NSD3: variants seen among roughly 807,000 people sequenced by gnomAD.
NSD3 encodes nuclear receptor binding SET domain protein 3.
Under a neutral mutation model 160.8 loss-of-function variants are expected in NSD3, and 24 were observed. The observed-to-expected ratio is 0.15, with a 90% CI of 0.11 to 0.21. NSD3 has a LOEUF of 0.21. Among genes scored for constraint, NSD3 ranks in the 10% least tolerant of loss-of-function variants. The pLI, the probability that NSD3 is intolerant of heterozygous loss-of-function variation, is 1.00. For missense variants in NSD3, 1,157 were observed against 1,735.9 expected, an observed-to-expected ratio of 0.67 and a Z score of 5.93; for synonymous variants, 520 against 600.0, an observed-to-expected ratio of 0.87 and a Z score of 1.95.
chr8:38,377,163 C>T (rs1369860920), intron 1 of NSD3, among the ~76,000 whole-genome samples: 1 of 152,200 alleles, frequency 6.6e-6, no homozygotes, highest in African/African-American at 2.4e-5. Flanking sequence ...AGCGATTGGC[C>T]TGTCTCAGCC....
At chr8:38,278,605 T>G (rs143755253) in intron 21 of NSD3, among the ~76,000 whole-genome samples, 193 bp from the exon 22 acceptor site, 1 of 152,244 alleles carries the variant, frequency 6.6e-6, no homozygotes, top group East Asian at 1.9e-4. Flanking sequence ...CCAGGAACAA[T>G]GACAGCAAAA....
intron 1 of NSD3, among the ~76,000 whole-genome samples, chr8:38,361,671 A>C (rs894574686): frequency 1.4e-5 from 2 of 142,768 alleles, no homozygotes; most frequent in South Asian, 2.4e-4. Context: ...AGGAGAATGG[A>C]GTGAACCTGG....
intron 15 of NSD3, among the ~76,000 whole-genome samples, chr8:38,297,079 A>G (rs1809167797): frequency 6.6e-6 from 1 of 152,254 alleles, no homozygotes; most frequent in South Asian, 2.1e-4. Context: ...TATTAAACAT[A>G]GTTCAAAAAT....
intron 1 of NSD3, among the ~76,000 whole-genome samples, chr8:38,350,842 T>C (rs1810674445): frequency 6.6e-6 from 1 of 152,162 alleles, no homozygotes; most frequent in South Asian, 2.1e-4. Context: ...TAGATAAGTA[T>C]CTGTTAGAAA....
intron 1 of NSD3, among the ~76,000 whole-genome samples, chr8:38,380,000 A>C (rs1294628588): frequency 6.6e-6 from 1 of 152,220 alleles, no homozygotes; most frequent in Non-Finnish European, 1.5e-5. Flanking sequence ...GTTTCCTGAG[A>C]GTCAACTGAA....
rs1490117262 is a variant in NSD3, at chr8:38,309,504, G to C, written c.2243-4059C>G. ...AAATAATTAATTAAATAAAAAGCTA[G>C]CTGGGCATGGTGCTGCGTGCCTGTA... On this transcript the variant is annotated intron_variant, in intron 12 of 23. Coordinates refer to ENST00000317025, the MANE Select transcript of NSD3 (RefSeq NM_023034.2). Among the ~76,000 whole-genome samples the C allele has an allele frequency of 2.6e-5, 4 of 152,068 alleles. No individual in the cohort carries two copies. The South Asian group carries it at 8.3e-4, about 32-fold the overall frequency.
In NSD3 at chr8:38,288,802, T is replaced by A; in HGVS notation, c.3232-46A>T. The A allele has an allele frequency of 6.3e-7, 1 of 1,595,224 alleles. No homozygotes were observed. The highest frequency in any genetic ancestry group is 8.6e-7 in the Non-Finnish European group (1 of 1,168,574). On this transcript the variant is annotated intron_variant, in intron 18 of 23. Transcript: ENST00000317025. This position sits in a 1 kb window ranked among gnomAD's most constrained non-coding sequence, Gnocchi z 4.5. ...CGAGAGAGAGGCAGCAGGTAAGTCA[T>A]CTGGCAATGTGAACAGGAACATCTA...
chr8:38,295,716 C>A (rs1563345876), intron 16 of NSD3, 80 bp downstream of exon 16: 4 of 1,379,406 alleles, frequency 2.9e-6, no homozygotes, highest in East Asian at 2.4e-5. Context: ...CTATCTATCT[C>A]CAAGTCACTC....
chr8:38,325,514 T>G (rs1271119204), intron 7 of NSD3, among the ~76,000 whole-genome samples: 1 of 152,202 alleles, frequency 6.6e-6, no homozygotes, highest in Admixed American at 6.5e-5. Context: ...ATAATACTGT[T>G]ACATAAACCA....
intron 22 of NSD3, among the ~76,000 whole-genome samples, chr8:38,277,786 C>T (rs556478454): frequency 2.6e-5 from 4 of 152,020 alleles, no homozygotes; most frequent in Non-Finnish European, 4.4e-5. Flanking sequence ...AAATGAAATA[C>T]ATTCTCAGAA....
rs375314675 is a variant in NSD3, at chr8:38,304,696, C to T, written c.2502G>A (p.Ala834=). The T allele has an allele frequency of 2.2e-5, 35 of 1,613,960 alleles. No individual in the cohort carries two copies. In the East Asian group the frequency reaches 3.3e-4, roughly 15 times the overall value. Residue 834 remains alanine, a synonymous_variant, in exon 14 of 24, where the codon GCG becomes GCA. Transcript: ENST00000317025. ...VAYHSGDACI[A]AGSMLVSSYI... is the part of the protein sequence containing the mutation. ...AGGAGGATACTAACATGCTTCCGGC[C>T]GCAATGCAAGCATCTCCAGAGTGAT...
At chr8:38,323,269 G>A (rs1211825980) in intron 7 of NSD3, among the ~76,000 whole-genome samples, 2 of 151,890 alleles carry the variant, frequency 1.3e-5, no homozygotes, top group African/African-American at 4.8e-5. Flanking sequence ...ATGTTGGCCA[G>A]GTGATCTCAA....
chr8:38,369,424 T>C (rs1008644086), intron 1 of NSD3, among the ~76,000 whole-genome samples: 1 of 152,222 alleles, frequency 6.6e-6, no homozygotes, highest in Non-Finnish European at 1.5e-5. Context: ...GAAAAACTCA[T>C]ATAACCTAGG....
chr8:38,356,221 A>T (rs1488936), intron 1 of NSD3, among the ~76,000 whole-genome samples: 29,580 of 152,194 alleles, frequency 0.19, 3,304 homozygotes, highest in East Asian at 0.31. Context: ...AAGATAAATC[A>T]ATCAATGAAT....
At chr8:38,312,824 G>A (rs1181149248) in intron 12 of NSD3, among the ~76,000 whole-genome samples, 1 of 152,088 alleles carries the variant, frequency 6.6e-6, no homozygotes, top group African/African-American at 2.4e-5. Context: ...CCACTTAAAC[G>A]TCTTTTCTTT....
chr8:38,299,793 C>CT (rs1474823026), intron 14 of NSD3: 1 of 401,372 alleles, frequency 2.5e-6, no homozygotes, highest in Non-Finnish European at 4.3e-6. Context: ...TTCCTTATCC[C>CT]TATATATTAT....
At chr8:38,367,059 G>A (rs936821558) in intron 1 of NSD3, among the ~76,000 whole-genome samples, 1 of 152,150 alleles carries the variant, frequency 6.6e-6, no homozygotes, top group Admixed American at 6.5e-5. Flanking sequence ...CTAGAAAGAA[G>A]TCACATAAGA....
chr8:38,328,514 T>A (rs1336925988), intron 6 of NSD3, among the ~76,000 whole-genome samples: 1 of 152,190 alleles, frequency 6.6e-6, no homozygotes, highest in Non-Finnish European at 1.5e-5. Context: ...CAGACCAGGT[T>A]AAAAGAGCAC....
Position 38,275,557 on chromosome 8 carries a change from T to A in NSD3, c.*84A>T. On this transcript the variant is annotated 3_prime_UTR_variant, in exon 24 of 24. Transcript: ENST00000317025. ...AAGGCAGTTCCGATGGCAAAGGCTG[T>A]ATGCACTGTAGCAGTCTCTTCTTTT... 7.6e-7 allele frequency: 1 copy of A among 1,323,060 alleles called. No individual in the cohort carries two copies. 82.0% of individuals were successfully genotyped at this position (1,323,060 alleles called of 1,614,324 possible).
Sources: gnomAD v4.1 joint callset for allele counts (sites outside exome capture counted in the v4.1 genomes callset) on GRCh38, gnomAD v4.1.1 for gene constraint, Gnocchi (gnomAD v3.1) non-coding constraint, MANE v1.5 for transcripts, NCBI Gene and HGNC (gene_info 2026-07-23, HGNC 2026-07-21) for gene names.